The following CACNA1H variants were observed in gnomAD, a reference collection of about 807,000 sequenced individuals.
CACNA1H encodes calcium voltage-gated channel subunit alpha1 H, also known as voltage-dependent T-type calcium channel subunit alpha-1H.
Under a neutral mutation model 192.5 loss-of-function variants are expected in CACNA1H, and 149 were observed. The ratio of observed to expected loss-of-function variants is 0.77; its 90% CI spans 0.68 to 0.89. The LOEUF is 0.89. Among genes scored for constraint, CACNA1H ranks in the 40% least tolerant of loss-of-function variants. The pLI, the probability that CACNA1H is intolerant of heterozygous loss-of-function variation, is 0.00. For missense variants in CACNA1H, 4,257 were observed against 3,423.5 expected, an observed-to-expected ratio of 1.24 and a Z score of -6.08; for synonymous variants, 2,202 against 1,475.2, an observed-to-expected ratio of 1.49 and a Z score of -11.29.
Position 1,210,912 on chromosome 16 carries a change from C to A in CACNA1H, c.4164C>A (p.Gly1388=), listed in dbSNP as rs371007087. 1 of 1,603,440 alleles carries A rather than the reference C, an allele frequency of 6.2e-7. No individual in the cohort carries two copies. Among genetic ancestry groups the A allele is most frequent in the Admixed American group, 1.7e-5 (1 of 60,014 alleles). The change falls in exon 21 of 35, where the codon GGC becomes GGA. Residue 1388 remains glycine, a synonymous_variant. Coordinates refer to ENST00000348261, the MANE Select transcript of CACNA1H (RefSeq NM_021098.3). ...DIVVAMASAG[G]AKILGVLRVL... is the part of the protein sequence containing the mutation. ...TCGTGGCCATGGCCTCGGCTGGTGG[C>A]GCCAAGATCCTGGGTGTTCTGCGCG...
In CACNA1H at chr16:1,202,278, A is replaced by T; in HGVS notation, c.1828A>T (p.Thr610Ser). The T allele has an allele frequency of 1.3e-6, 2 of 1,581,092 alleles. No individual in the cohort carries two copies. The highest frequency in any genetic ancestry group is 1.7e-6 in the Non-Finnish European group (2 of 1,165,752). Residue 610 changes from threonine (T) to serine (S), a missense_variant, in exon 9 of 35, where the codon ACC becomes TCC. Coordinates refer to ENST00000348261, the MANE Select transcript of CACNA1H (RefSeq NM_021098.3). ...CCTCAGACTGGCCACAGGGCTGGGC[A>T]CCATGAACTACCCCACGATCCTGCC... The part of the protein sequence containing the change: ...ASLRLATGLG[T>S]MNYPTILPSG...
intron 2 of CACNA1H, among the ~76,000 whole-genome samples, chr16:1,160,836 G>A (rs1008592669): frequency 6.6e-6 from 1 of 152,150 alleles, no homozygotes; most frequent in Admixed American, 6.5e-5. Flanking sequence ...CGCCGCCTGC[G>A]TTTGGAGGCC....
intron 2 of CACNA1H, among the ~76,000 whole-genome samples, chr16:1,188,012 G>A (rs1019948000): frequency 1.3e-5 from 2 of 152,246 alleles, no homozygotes; most frequent in Non-Finnish European, 2.9e-5. Context: ...TTGTTTTGCA[G>A]GAAGGTCTGC....
Position 1,153,954 on chromosome 16 carries a change from C to G in CACNA1H, c.217C>G (p.Pro73Ala), listed in dbSNP as rs1596271034. The change falls in exon 2 of 35, where the codon CCG (proline) becomes GCG (alanine). Residue 73 changes from proline (P) to alanine (A), a missense_variant. Physicochemically the swap from Pro to Ala is conservative, Grantham distance 27 (BLOSUM62 -1). Transcript: ENST00000348261. ...GADEEQRVPY[P>A]ALAATVFFCL... ...CGACGAGGAGCAGCGCGTCCCGTAC[C>G]CGGCCTTGGCGGCCACGGTCTTCTT... 6.9e-7 allele frequency: 1 copy of G among 1,452,480 alleles called. No individual in the cohort carries two copies. The highest frequency in any genetic ancestry group is 9.1e-7 in the Non-Finnish European group (1 of 1,102,894). The allele number at this position is 1,452,480 out of a possible 1,614,324, so 90.0% of individuals were successfully genotyped here. A position where few individuals can be genotyped will look rare whatever the true frequency, so the allele number is the denominator to read the frequency against.
intron 26 of CACNA1H, 83 bp downstream of exon 26, chr16:1,212,611 G>A: frequency 6.6e-7 from 1 of 1,514,562 alleles, no homozygotes; most frequent in Non-Finnish European, 9.0e-7. Flanking sequence ...GCCTGCTGGG[G>A]TCCTCCGCAG....
intron 2 of CACNA1H, among the ~76,000 whole-genome samples, chr16:1,172,599 C>G (rs1437370322): frequency 6.6e-6 from 1 of 152,214 alleles, no homozygotes; most frequent in Non-Finnish European, 1.5e-5. Context: ...TGGATCCTAG[C>G]AGGAGCTCCC....
At chr16:1,198,168 T>C (rs1967220205) in intron 5 of CACNA1H, among the ~76,000 whole-genome samples, 1 of 152,110 alleles carries the variant, frequency 6.6e-6, no homozygotes, top group Non-Finnish European at 1.5e-5. Context: ...TGGTGGCAAC[T>C]TCAGGGTGTC....
At chr16:1,196,067 G>T in intron 5 of CACNA1H, 44 bp downstream of exon 5, 4 of 1,478,328 alleles carry the variant, frequency 2.7e-6, no homozygotes, top group Middle Eastern at 1.7e-4. Flanking sequence ...ACAGGCTTGC[G>T]TGTCCGCCAG....
intron 32 of CACNA1H, 38 bp downstream of exon 32, chr16:1,218,078 C>T (rs1467909124): frequency 1.9e-6 from 3 of 1,583,232 alleles, no homozygotes; most frequent in South Asian, 1.1e-5. Flanking sequence ...CCTGGCAGCC[C>T]CAGCGGTTTT....
At chr16:1,154,246 GA>G (rs966216601) in intron 2 of CACNA1H, among the ~76,000 whole-genome samples, 1 of 152,048 alleles carries the variant, frequency 6.6e-6, no homozygotes, top group African/African-American at 2.4e-5. Context: ...GGCGCCTCCG[GA>G]CTCCCTTCCC....
chr16:1,189,843 C>T (rs1017351193), intron 2 of CACNA1H, among the ~76,000 whole-genome samples: 8 of 152,208 alleles, frequency 5.3e-5, no homozygotes, highest in Admixed American at 1.3e-4. Flanking sequence ...CCTGTTCAGG[C>T]CTCTCTCTGG....
At chr16:1,217,124 G>A (rs1970092779) in intron 31 of CACNA1H, 114 bp downstream of exon 31, 1 of 864,274 alleles carries the variant, frequency 1.2e-6, no homozygotes, top group Non-Finnish European at 1.8e-6. Flanking sequence ...CCTGATCAGG[G>A]CCACACGCCT....
chr16:1,200,441 T>C lies in CACNA1H; in HGVS notation c.989T>C (p.Val330Ala). 1 of 1,610,612 alleles carries C rather than the reference T, an allele frequency of 6.2e-7. No individual in the cohort carries two copies. Among genetic ancestry groups the C allele is most frequent in the Non-Finnish European group, 8.5e-7 (1 of 1,179,436 alleles). ...EAYTQPQAEG[V>A]GAARNACINW... is the part of the protein sequence containing the mutation. ...TACACGCAGCCGCAGGCCGAGGGGG[T>C]GGGCGCTGCACGCAACGCCTGCATC... Residue 330 changes from valine to alanine, a missense_variant, in exon 7 of 35, where the codon GTG becomes GCG. Physicochemically the swap from Val to Ala is moderately conservative, Grantham distance 64 (BLOSUM62 0). Transcript: ENST00000348261.
chr16:1,167,942 A>C lies in CACNA1H; in HGVS notation c.299+13906A>C, dbSNP rs1281762231. Among the ~76,000 whole-genome samples, 1 of 152,220 alleles carries C rather than the reference A, an allele frequency of 6.6e-6. No individual in the cohort carries two copies. Among genetic ancestry groups the C allele is most frequent in the East Asian group, 1.9e-4 (1 of 5,186 alleles). The stretch of plus-strand genomic sequence containing the variant: ...TGGAGCACGTGGGGCCTCAGGAGCC[A>C]GGCCTGTTCCCCGGGGCTGCCTGGA... On this transcript the variant is annotated intron_variant, in intron 2 of 34. Coordinates refer to ENST00000348261, the MANE Select transcript of CACNA1H (RefSeq NM_021098.3). The surrounding 1 kb of genome is among the most constrained non-coding windows in gnomAD (Gnocchi z 4.2).
chr16:1,201,512 T>C (rs1458649369), intron 8 of CACNA1H, 151 bp from the exon 9 acceptor site: 2 of 954,626 alleles, frequency 2.1e-6, no homozygotes, highest in Admixed American at 2.8e-5. Flanking sequence ...GGCTCAGCAC[T>C]GAACACCGCA....
chr16:1,162,963 G>C (rs534660289), intron 2 of CACNA1H, among the ~76,000 whole-genome samples: 1 of 152,248 alleles, frequency 6.6e-6, no homozygotes. Flanking sequence ...GCGGCCACGC[G>C]GAGCTATCCT....
Position 1,220,604 on chromosome 16 carries a change from G to A in CACNA1H, c.6672G>A (p.Glu2224=), listed in dbSNP as rs764354954. 1 of 1,564,158 alleles carries A rather than the reference G, an allele frequency of 6.4e-7. No individual in the cohort carries two copies. Among genetic ancestry groups the A allele is most frequent in the Middle Eastern group, 1.7e-4 (1 of 5,754 alleles). ...TGAGGCGCAGGACCCCGTCCTGTGA[G>A]GCCACGCCTCACAGGGACTCCCTGG... is the stretch of plus-strand genomic sequence containing the variant. The part of the protein sequence containing the change: ...TTLRRRTPSC[E]ATPHRDSLEP... Residue 2224 remains glutamate, a synonymous_variant, in exon 35 of 35, where the codon GAG becomes GAA. Transcript: ENST00000348261.
intron 7 of CACNA1H, 58 bp downstream of exon 7, chr16:1,200,629 G>A (rs879842927): frequency 6.3e-7 from 1 of 1,596,474 alleles, no homozygotes; most frequent in Non-Finnish European, 8.6e-7. Context: ...GCGGGTGCAG[G>A]ACTCGCCCCC....
At chr16:1,189,397 C>CTTTTTTTTTTT (rs3990780) in intron 2 of CACNA1H, among the ~76,000 whole-genome samples, 1 of 45,020 alleles carries the variant, frequency 2.2e-5, no homozygotes, top group Non-Finnish European at 5.7e-5. Context: ...GAAGAGTGTC[C>CTTTTTTTTTTT]TTTTTTTTTT....
Sources: gnomAD v4.1 joint callset for allele counts (sites outside exome capture counted in the v4.1 genomes callset) on GRCh38, gnomAD v4.1.1 for gene constraint, Gnocchi (gnomAD v3.1) non-coding constraint, MANE v1.5 for transcripts, NCBI Gene and HGNC (gene_info 2026-07-23, HGNC 2026-07-21) for gene names.